Variants in GALNT13 observed in about 807,000 individuals in gnomAD.
GALNT13 encodes polypeptide N-acetylgalactosaminyltransferase 13, also known as UDP-GalNAc:polypeptide N-acetylgalactosaminyltransferase 13.
A neutral mutation model predicts 64.2 loss-of-function variants in GALNT13; 28 were observed. The ratio of observed to expected loss-of-function variants is 0.44; its 90% CI spans 0.32 to 0.60. The LOEUF (loss-of-function observed/expected upper bound fraction) is 0.60. Among genes scored for constraint, GALNT13 ranks in the 20% least tolerant of loss-of-function variants. The pLI, the probability that GALNT13 is intolerant of heterozygous loss-of-function variation, is 0.05. For missense variants in GALNT13, 577 were observed against 669.8 expected (o/e 0.86, Z 1.53); for synonymous variants, 214 against 224.6 (o/e 0.95, Z 0.42).
chr2:154,246,016 A>C (rs1689763579), intron 7 of GALNT13, 34 bp downstream of exon 7: 1 of 1,450,632 alleles, frequency 6.9e-7, no homozygotes. Flanking sequence ...GATTATGTAT[A>C]TCCCCCTAAA....
intron 3 of GALNT13, among the ~76,000 whole-genome samples, chr2:153,980,199 A>C (rs1310487257): frequency 2.0e-5 from 3 of 152,198 alleles, no homozygotes; most frequent in Non-Finnish European, 4.4e-5. Flanking sequence ...GACATGGTCA[A>C]ATCATTGTAG....
At chr2:154,382,108 T>C (rs1574203140) in intron 9 of GALNT13, among the ~76,000 whole-genome samples, 1 of 152,212 alleles carries the variant, frequency 6.6e-6, no homozygotes, top group East Asian at 1.9e-4. Context: ...TACACACATG[T>C]TGTTTCCTTT....
chr2:153,381,174 T>C, the GALNT13 span, among the ~76,000 whole-genome samples: 1 of 152,122 alleles, frequency 6.6e-6, no homozygotes. Flanking sequence ...GTCAAACTCC[T>C]GGGCTCAAGC....
the GALNT13 span, among the ~76,000 whole-genome samples, chr2:153,755,518 T>G: frequency 6.6e-6 from 1 of 152,190 alleles, no homozygotes; most frequent in Non-Finnish European, 1.5e-5. Flanking sequence ...GAGCATTTTT[T>G]AATTTATCCA....
At position 154,024,316 on chromosome 2, in the gene GALNT13, G is replaced by A. The variant is rs151309921; in HGVS notation, c.142+79677G>A. 9.6e-3 allele frequency among the ~76,000 whole-genome samples: 1,464 copies of A among 152,186 alleles called. 22 individuals are homozygous for A. Among genetic ancestry groups the A allele is most frequent in the African/African-American group, 0.033 (1,376 of 41,512 alleles). ...TTCCAACTTGGTTGCATTTCTCCCC[G>A]TCACTTTCAGGTACACCAATCAGAC... On this transcript the variant is annotated intron_variant, in intron 3 of 12. Transcript: ENST00000392825.
the GALNT13 span, among the ~76,000 whole-genome samples, chr2:153,827,841 C>T: frequency 6.6e-6 from 1 of 152,146 alleles, no homozygotes; most frequent in East Asian, 1.9e-4. Context: ...CACCTATGAG[C>T]CTGTAAAATC....
At chr2:154,102,943 G>A (rs1702423373) in intron 3 of GALNT13, among the ~76,000 whole-genome samples, 1 of 151,974 alleles carries the variant, frequency 6.6e-6, no homozygotes, top group Admixed American at 6.6e-5. Context: ...TATAATAATA[G>A]GTACTGCTGT....
intron 3 of GALNT13, among the ~76,000 whole-genome samples, chr2:153,985,326 C>G (rs1225567578): frequency 6.6e-6 from 1 of 151,992 alleles, no homozygotes; most frequent in Non-Finnish European, 1.5e-5. Context: ...GTCCATTTGG[C>G]TGCATCCTGC....
At chr2:153,770,207 T>G in the GALNT13 span, among the ~76,000 whole-genome samples, 1 of 132,984 alleles carries the variant, frequency 7.5e-6, no homozygotes, top group Non-Finnish European at 1.6e-5. Flanking sequence ...TCTGGATAAT[T>G]TATCTCCCCT....
At chr2:153,650,519 G>A in the GALNT13 span, among the ~76,000 whole-genome samples, 2 of 152,130 alleles carry the variant, frequency 1.3e-5, no homozygotes, top group Non-Finnish European at 2.9e-5. Flanking sequence ...GATGTTAGCT[G>A]GTTATTTTGC....
At chr2:154,268,671 C>T (rs558907822) in intron 8 of GALNT13, among the ~76,000 whole-genome samples, 15 of 151,666 alleles carry the variant, frequency 9.9e-5, no homozygotes, top group Non-Finnish European at 2.2e-4. Flanking sequence ...CAAAGAGAAA[C>T]AAATGAAGGA....
intron 2 of GALNT13, among the ~76,000 whole-genome samples, chr2:153,914,881 T>G (rs962325966): frequency 1.3e-4 from 20 of 152,178 alleles, no homozygotes; most frequent in African/African-American, 4.8e-4. Flanking sequence ...TAAATTGCTG[T>G]TGCATACTAA....
intron 1 of GALNT13, among the ~76,000 whole-genome samples, chr2:153,894,212 C>T (rs1687743686): frequency 6.6e-6 from 1 of 152,068 alleles, no homozygotes; most frequent in African/African-American, 2.4e-5. Context: ...AAAGAATTGA[C>T]AGACAACCCA....
the GALNT13 span, among the ~76,000 whole-genome samples, chr2:153,386,110 A>G: frequency 1.3e-5 from 2 of 152,022 alleles, no homozygotes; most frequent in African/African-American, 4.8e-5. Context: ...TCAGTATTTC[A>G]TGTTCCACAT....
At chr2:154,143,107 G>C (rs1683360459) in intron 4 of GALNT13, among the ~76,000 whole-genome samples, 1 of 152,080 alleles carries the variant, frequency 6.6e-6, no homozygotes, top group Admixed American at 6.6e-5. Context: ...TTGGGGGTTG[G>C]GGGTGATTTC....
At chr2:153,188,456 T>C in the GALNT13 span, among the ~76,000 whole-genome samples, 5 of 150,064 alleles carry the variant, frequency 3.3e-5, no homozygotes, top group African/African-American at 1.2e-4. Context: ...TAAAATTCAG[T>C]GTTAGTGTAA....
the GALNT13 span, among the ~76,000 whole-genome samples, chr2:153,237,803 G>C: frequency 2.0e-5 from 3 of 151,984 alleles, no homozygotes. Context: ...GGGGGTGCAG[G>C]TATCTCTTTG....
Position 154,414,366 on chromosome 2 carries a change from T to G in GALNT13, c.1395+5284T>G, listed in dbSNP as rs1474939922. ...TTACGAATGTAATGGAAATCTTGAG[T>G]GATTAGTATCATGATTGAAATGGTA... On this transcript the variant is annotated intron_variant, in intron 11 of 12. Transcript: ENST00000392825. Among the ~76,000 whole-genome samples, 14 of 152,030 alleles carry G rather than the reference T, an allele frequency of 9.2e-5. No individual in the cohort carries two copies. The East Asian group carries it at 2.5e-3, about 27-fold the overall frequency.
At chr2:153,753,090 G>C in the GALNT13 span, among the ~76,000 whole-genome samples, 1 of 151,988 alleles carries the variant, frequency 6.6e-6, no homozygotes, top group African/African-American at 2.4e-5. Flanking sequence ...ATTTCTGCTT[G>C]TTTCCTGTTA....
Sources: gnomAD v4.1 joint callset for allele counts (sites outside exome capture counted in the v4.1 genomes callset) on GRCh38, gnomAD v4.1.1 for gene constraint, MANE v1.5 for transcripts, NCBI Gene and HGNC (gene_info 2026-07-23, HGNC 2026-07-21) for gene names.